The following ATL1 variants were observed in gnomAD, a reference collection of about 807,000 sequenced individuals.
The protein encoded by ATL1 is atlastin GTPase 1, also known as atlastin-1.
Under a neutral mutation model 75.5 loss-of-function variants are expected in ATL1, and 31 were observed. The ratio of observed to expected loss-of-function variants is 0.41; its 90% CI spans 0.31 to 0.55. The LOEUF is 0.55. Among genes scored for constraint, ATL1 ranks in the 20% least tolerant of loss-of-function variants. ATL1 has a pLI of 0.27. For missense variants in ATL1, 405 were observed against 662.6 expected (o/e 0.61, Z 4.27); for synonymous variants, 226 against 233.3 (o/e 0.97, Z 0.28).
chr14:50,576,491 A>C (rs564449937), intron 1 of ATL1, among the ~76,000 whole-genome samples: 299 of 152,266 alleles, frequency 2.0e-3, no homozygotes, highest in South Asian at 9.5e-3. Flanking sequence ...TGGGAATTGA[A>C]ACTGAGTTTA....
At chr14:50,572,725 A>G (rs1004244021) in intron 1 of ATL1, among the ~76,000 whole-genome samples, 2 of 152,136 alleles carry the variant, frequency 1.3e-5, no homozygotes, top group African/African-American at 2.4e-5. Flanking sequence ...ATTTAAGGCT[A>G]TAAGTTTTTT....
chr14:50,560,291 A>G lies in ATL1; in HGVS notation c.26A>G (p.Asn9Ser), dbSNP rs767429611. The G allele has an allele frequency of 3.7e-6, 6 of 1,613,880 alleles. No homozygotes were observed. In the Admixed American group the frequency reaches 1.0e-4, roughly 27 times the overall value. MAKNRRDR[N>S]SWGGFSEKTY... ...ATGGCCAAGAACCGCAGGGACAGAA[A>G]CAGTTGGGGTGAGTAGCAAATGAGA... Residue 9 changes from asparagine to serine, a missense_variant, in exon 1 of 14, where the codon AAC (asparagine) becomes AGC (serine). By Grantham distance (46) the Asn-to-Ser change is conservative. Transcript: ENST00000358385.
intron 1 of ATL1, among the ~76,000 whole-genome samples, chr14:50,571,612 T>C (rs2038955836): frequency 6.6e-6 from 1 of 152,220 alleles, no homozygotes; most frequent in African/African-American, 2.4e-5. Context: ...TCTAGTTTGT[T>C]AATACGTTTA....
intron 8 of ATL1, among the ~76,000 whole-genome samples, 160 bp from the exon 9 acceptor site, chr14:50,620,439 G>T (rs1289027646): frequency 2.0e-5 from 3 of 152,162 alleles, no homozygotes; most frequent in African/African-American, 7.2e-5. Flanking sequence ...ATCATTCACT[G>T]TGAGAAGAGC....
Position 50,539,279 on chromosome 14 carries a change from G to T in ATL1, c.-140+5912G>T, listed in dbSNP as rs1048253399. Among the ~76,000 whole-genome samples, 3 of 152,270 alleles carry T rather than the reference G, an allele frequency of 2.0e-5. No individual in the cohort carries two copies. The South Asian group carries it at 6.2e-4, about 32-fold the overall frequency. ...CACAACATTGAAAGATCAATCTCTA[G>T]CACTTAGCTGCTGTAACAGTGAGGT... On this transcript the variant is annotated intron_variant, in intron 1 of 13. Coordinates refer to the ATL1 transcript ENST00000441560.
chr14:50,552,653 T>C (rs1227186989), intron 1 of ATL1, among the ~76,000 whole-genome samples: 1 of 152,202 alleles, frequency 6.6e-6, no homozygotes, highest in Non-Finnish European at 1.5e-5. Context: ...GTGGTACTGC[T>C]ATAAAAATAG....
intron 8 of ATL1, among the ~76,000 whole-genome samples, chr14:50,616,120 A>C (rs559800954): frequency 3.4e-4 from 52 of 152,106 alleles, no homozygotes; most frequent in African/African-American, 1.2e-3. Flanking sequence ...TAGCCTCCCA[A>C]GTAGCTAGGA....
chr14:50,562,793 T>C (rs2038863551), intron 1 of ATL1, among the ~76,000 whole-genome samples: 1 of 152,236 alleles, frequency 6.6e-6, no homozygotes, highest in South Asian at 2.1e-4. Flanking sequence ...GTTAAGTACA[T>C]ATGACATAAA....
At chr14:50,608,868 G>T (rs933849047) in intron 6 of ATL1, among the ~76,000 whole-genome samples, 1 of 151,890 alleles carries the variant, frequency 6.6e-6, no homozygotes, top group Admixed American at 6.6e-5. Flanking sequence ...CAAAAATTGT[G>T]GCAAAAATGG....
chr14:50,554,128 CA>C (rs2140164496), intron 1 of ATL1, among the ~76,000 whole-genome samples: 1 of 151,552 alleles, frequency 6.6e-6, no homozygotes, highest in Admixed American at 6.6e-5. Context: ...TTTTAATCCA[CA>C]AAAACCAATA....
intron 1 of ATL1, among the ~76,000 whole-genome samples, chr14:50,585,775 A>G (rs1273433537): frequency 6.6e-6 from 1 of 152,186 alleles, no homozygotes; most frequent in African/African-American, 2.4e-5. Context: ...TGGGATTTAA[A>G]CAAAGGCTCT....
intron 11 of ATL1, among the ~76,000 whole-genome samples, chr14:50,627,093 T>C (rs1434242884): frequency 6.6e-6 from 1 of 152,232 alleles, no homozygotes; most frequent in Non-Finnish European, 1.5e-5. Flanking sequence ...ACTTTACTGT[T>C]GTCATATTTT....
intron 1 of ATL1, among the ~76,000 whole-genome samples, chr14:50,581,799 T>C (rs888829039): frequency 6.6e-6 from 1 of 152,204 alleles, no homozygotes; most frequent in African/African-American, 2.4e-5. Context: ...CTATAATTAC[T>C]AGATGTCAGA....
chr14:50,541,815 T>C (rs535149987), intron 1 of ATL1, among the ~76,000 whole-genome samples: 33 of 151,780 alleles, frequency 2.2e-4, no homozygotes, highest in African/African-American at 7.7e-4. Flanking sequence ...GGTCAGGAGA[T>C]TGAGATCACG....
At chr14:50,600,647 A>C (rs1197023877) in intron 6 of ATL1, among the ~76,000 whole-genome samples, 1 of 152,232 alleles carries the variant, frequency 6.6e-6, no homozygotes, top group Non-Finnish European at 1.5e-5. Flanking sequence ...CTTCTAAATG[A>C]AATTTCGATT....
chr14:50,574,967 A>ATC (rs2038991807), intron 1 of ATL1, among the ~76,000 whole-genome samples: 1 of 134,312 alleles, frequency 7.4e-6, no homozygotes, highest in African/African-American at 2.8e-5. Flanking sequence ...ATATATATAT[A>ATC]TATATATATT....
intron 1 of ATL1, among the ~76,000 whole-genome samples, chr14:50,573,532 C>T (rs1001018734): frequency 6.6e-5 from 10 of 152,094 alleles, no homozygotes; most frequent in East Asian, 1.9e-4. Flanking sequence ...GGTTGAAATT[C>T]GATTTATGTA....
intron 1 of ATL1, among the ~76,000 whole-genome samples, chr14:50,533,947 A>G (rs1330560000): frequency 1.3e-5 from 2 of 152,236 alleles, no homozygotes; most frequent in Non-Finnish European, 2.9e-5. Flanking sequence ...TACATGCTCC[A>G]TGGACAAAGC....
At chr14:50,592,237 G>A (rs77306087) in intron 4 of ATL1, among the ~76,000 whole-genome samples, 5,725 of 152,016 alleles carry the variant, frequency 0.038, 103 homozygotes, top group Middle Eastern at 0.058. Flanking sequence ...TAGAACCATA[G>A]AATCCATAGC....
Sources: allele counts gnomAD v4.1 joint callset (sites outside exome capture counted in the v4.1 genomes callset), GRCh38; gene constraint gnomAD v4.1.1; transcripts MANE v1.5; gene names NCBI Gene and HGNC (gene_info 2026-07-23, HGNC 2026-07-21).